Variants in SLC35E4 observed in about 807,000 individuals in gnomAD.
The protein encoded by SLC35E4 is solute carrier family 35 member E4, also known as solute carrier family 35, member E4.
Under a neutral mutation model 19.3 loss-of-function variants are expected in SLC35E4, and 15 were observed. The observed-to-expected ratio is 0.78, with a 90% confidence interval of 0.52 to 1.20. SLC35E4 has a LOEUF of 1.20. Ranked by LOEUF, SLC35E4 falls within the 50% of genes most tolerant of loss-of-function variation. SLC35E4 has a pLI of 0.00. For synonymous variants in SLC35E4, 219 were observed against 219.9 expected (o/e 1.00, Z 0.04); for missense variants, 406 against 472.3 (o/e 0.86, Z 1.30).
chr22:30,666,521 C>A (rs1270652352), downstream of SLC35E4, among the ~76,000 whole-genome samples: 1 of 144,348 alleles, frequency 6.9e-6, no homozygotes, highest in Non-Finnish European at 1.5e-5. Context: ...ACTCAGGAGG[C>A]TGAGACGGGA....
Position 30,639,640 on chromosome 22 carries a change from T to C in SLC35E4, c.619+2571T>C, listed in dbSNP as rs538367421. Among the ~76,000 whole-genome samples, 315 of 152,308 alleles carry C rather than the reference T, an allele frequency of 2.1e-3. 1 individual carries two copies. Among genetic ancestry groups the C allele is most frequent in the Middle Eastern group, 6.8e-3 (2 of 294 alleles). ...GGACGCATTCTCTTTCTCAAGGATGTCCCTTGCTGAGAAAAAGAATTCAGC... is the reference window on the plus strand; with the variant it reads ...GGACGCATTCTCTTTCTCAAGGATGCCCCTTGCTGAGAAAAAGAATTCAGC... On this transcript the variant is annotated intron_variant, in intron 1 of 1. Transcript: ENST00000343605.
chr22:30,649,014 C>T (rs117486038), downstream of SLC35E4: 1,717 of 598,510 alleles, frequency 2.9e-3, 6 homozygotes, highest in Admixed American at 3.7e-3. Context: ...CTGAGCCTTT[C>T]CTTGGCTCTT....
intron 2 of SLC35E4, chr22:30,654,526 G>A: frequency 2.3e-6 from 1 of 431,524 alleles, no homozygotes; most frequent in Admixed American, 2.6e-5. Flanking sequence ...GGGCGGCCTG[G>A]CTTCCTTGGT....
rs537478564 is a variant in SLC35E4 at position 30,639,036 on chromosome 22, G to A, written c.619+1967G>A. Among the ~76,000 whole-genome samples, 182 of 152,356 alleles carry A rather than the reference G, an allele frequency of 1.2e-3. 2 individuals are homozygous for A. In the South Asian group the frequency reaches 0.015, roughly 12 times the overall value. The stretch of plus-strand genomic sequence containing the variant: ...AATCCCAGCACTTTGGGAGGCTGAG[G>A]TGTATTGGGGGAAATTCAGCCAGAT... On this transcript the variant is annotated intron_variant, in intron 1 of 1. Transcript: ENST00000343605.
intron 2 of SLC35E4, among the ~76,000 whole-genome samples, chr22:30,655,429 CAAAAAAAAAAA>C (rs5844917): frequency 9.0e-6 from 1 of 111,676 alleles, no homozygotes; most frequent in Admixed American, 8.8e-5. Context: ...GAGATCCTAC[CAAAAAAAAAAA>C]AAAAAAAAGA....
At chr22:30,648,141 G>C (rs1321055093), downstream of SLC35E4, among the ~76,000 whole-genome samples, 1 of 152,138 alleles carries the variant, frequency 6.6e-6, no homozygotes, top group Non-Finnish European at 1.5e-5. Context: ...CCTTCACCCA[G>C]AGGGATCTCA....
intron 2 of SLC35E4, among the ~76,000 whole-genome samples, chr22:30,660,310 A>AT (rs1369876651): frequency 1.5e-3 from 135 of 92,978 alleles, no homozygotes; most frequent in Middle Eastern, 6.3e-3. Context: ...GAGAGAAAAA[A>AT]ATTTTTTTTT....
downstream of SLC35E4, among the ~76,000 whole-genome samples, chr22:30,651,424 TATA>T (rs1217212313): frequency 3.7e-4 from 14 of 37,962 alleles, no homozygotes; most frequent in African/African-American, 7.1e-4. Context: ...TATATATATA[TATA>T]TTTTTTTTTT....
At chr22:30,642,090 C>T (rs941356139) in intron 1 of SLC35E4, among the ~76,000 whole-genome samples, 29 of 152,024 alleles carry the variant, frequency 1.9e-4, no homozygotes, top group Non-Finnish European at 3.7e-4. Flanking sequence ...TGGCTCACTG[C>T]GGCCTCAATT....
downstream of SLC35E4, chr22:30,664,193 C>A: frequency 1.6e-6 from 1 of 608,232 alleles, no homozygotes. Flanking sequence ...GTCCTCTGAC[C>A]ATCACAGCAG....
downstream of SLC35E4, chr22:30,665,703 G>A (rs1035031517): frequency 1.2e-5 from 4 of 339,444 alleles, no homozygotes; most frequent in Non-Finnish European, 2.4e-5. Flanking sequence ...CTGATTATTT[G>A]ATTAATGTCT....
intron 2 of SLC35E4, among the ~76,000 whole-genome samples, chr22:30,658,804 G>A (rs2088397333): frequency 6.6e-6 from 1 of 152,102 alleles, no homozygotes; most frequent in Admixed American, 6.6e-5. Flanking sequence ...GCTCACTGGG[G>A]GGCATAAGCT....
intron 2 of SLC35E4, among the ~76,000 whole-genome samples, chr22:30,660,710 G>A (rs1432464696): frequency 6.6e-6 from 1 of 152,112 alleles, no homozygotes; most frequent in African/African-American, 2.4e-5. Flanking sequence ...TTAAACTGAT[G>A]AGAACCAAAG....
chr22:30,648,108 C>T (rs1489450919), downstream of SLC35E4, among the ~76,000 whole-genome samples: 2 of 152,178 alleles, frequency 1.3e-5, no homozygotes, highest in Non-Finnish European at 2.9e-5. Context: ...CCTGGCCCCT[C>T]TACTCCATCT....
chr22:30,657,761 G>C (rs199853328), intron 2 of SLC35E4, among the ~76,000 whole-genome samples: 1 of 151,280 alleles, frequency 6.6e-6, no homozygotes, highest in Admixed American at 6.6e-5. Flanking sequence ...AAAATTAGCC[G>C]GGTGTGGTGG....
At chr22:30,661,203 CCCG>C (rs1285214266) in intron 2 of SLC35E4, among the ~76,000 whole-genome samples, 1 of 152,140 alleles carries the variant, frequency 6.6e-6, no homozygotes, top group Non-Finnish European at 1.5e-5. Flanking sequence ...TAGCCACCCC[CCCG>C]CCAAGTGAAA....
exon 3 of SLC35E4, chr22:30,662,482 T>C (rs1451311206): frequency 6.6e-6 from 1 of 152,196 alleles, no homozygotes; most frequent in East Asian, 1.9e-4. Flanking sequence ...TGGTGAGGGA[T>C]GGCCAAGAGC....
At chr22:30,660,841 A>AT (rs201034099) in intron 2 of SLC35E4, among the ~76,000 whole-genome samples, 9,761 of 144,238 alleles carry the variant, frequency 0.068, 446 homozygotes, top group East Asian at 0.24. Context: ...GCATAGAACA[A>AT]TTTTTTTTTT....
At position 30,636,250 on chromosome 22, in the gene SLC35E4, C is replaced by T; in HGVS notation, c.-201C>T. 1.3e-6 allele frequency: 1 copy of T among 756,440 alleles called. No homozygotes were observed. Among genetic ancestry groups the T allele is most frequent in the Non-Finnish European group, 2.0e-6 (1 of 502,960 alleles). 46.9% of individuals were successfully genotyped at this position (756,440 alleles called of 1,614,324 possible). On this transcript the variant is annotated 5_prime_UTR_variant, in exon 1 of 2. Transcript: ENST00000343605. ...CCTAGCAGCCGCGACCTTGGCTCTG[C>T]CCTGTCTGAGCTGGAAACACAGCTT...
Sources: allele counts gnomAD v4.1 joint callset (sites outside exome capture counted in the v4.1 genomes callset), GRCh38; gene constraint gnomAD v4.1.1; transcripts MANE v1.5; gene names NCBI Gene and HGNC (gene_info 2026-07-23, HGNC 2026-07-21).